Variants in USP39 observed in about 807,000 individuals in gnomAD.
The protein encoded by USP39 is ubiquitin specific peptidase 39, also known as ubiquitin carboxyl-terminal hydrolase 39.
USP39 carries 38 observed loss-of-function variants against 66.4 expected under a neutral mutation model. The ratio of observed to expected loss-of-function variants is 0.57; its 90% CI spans 0.44 to 0.75. USP39 has a LOEUF of 0.75. Ranked by LOEUF, USP39 falls within the 30% of genes least tolerant of loss-of-function variation. The probability of loss-of-function intolerance (pLI) is 0.00; values close to 1 mark genes in which losing one functional copy is unlikely to be tolerated. For missense variants in USP39, 608 were observed against 714.4 expected (o/e 0.85, Z 1.70); for synonymous variants, 303 against 274.6 (o/e 1.10, Z -1.02).
chr2:85,631,100 C>T (rs1675292494), intron 6 of USP39, among the ~76,000 whole-genome samples, 154 bp downstream of exon 6: 1 of 152,028 alleles, frequency 6.6e-6, no homozygotes, highest in Non-Finnish European at 1.5e-5. Context: ...CTGCAACCTC[C>T]ACTTCCAGGG....
chr2:85,624,179 A>C (rs973472013), intron 4 of USP39, among the ~76,000 whole-genome samples: 4 of 152,170 alleles, frequency 2.6e-5, no homozygotes, highest in Admixed American at 1.3e-4. Context: ...CAGAGCATCC[A>C]GCCACAGATA....
Position 85,644,982 on chromosome 2 carries a change from G to T in USP39, c.1462G>T (p.Val488Leu). The T allele has an allele frequency of 6.2e-7, 1 of 1,614,130 alleles. No individual in the cohort carries two copies. Among genetic ancestry groups the T allele is most frequent in the Non-Finnish European group, 8.5e-7 (1 of 1,180,030 alleles). Reference sequence around the variant, plus strand: ...TCTGAGAGAATACTTGTCTGAAGAAGTACAAGCAGTACACAAGAATACCAC... The same window carrying T: ...TCTGAGAGAATACTTGTCTGAAGAATTACAAGCAGTACACAAGAATACCAC... ...VDLREYLSEE[V>L]QAVHKNTTYD... The change falls in exon 11 of 13, where the codon GTA (valine) becomes TTA (leucine). Residue 488 changes from valine (V) to leucine (L), a missense_variant. Transcript: ENST00000323701.
intron 1 of USP39, among the ~76,000 whole-genome samples, chr2:85,604,742 T>C: frequency 6.6e-6 from 1 of 152,260 alleles, no homozygotes; most frequent in East Asian, 1.9e-4. Context: ...GTAGGCACCT[T>C]ATCTGCCCAA....
chr2:85,645,848 C>G (rs371065578), intron 11 of USP39: 5 of 152,296 alleles, frequency 3.3e-5, no homozygotes, highest in African/African-American at 9.6e-5. Context: ...GATGCTCATG[C>G]TGGTCTCAAG....
chr2:85,612,430 AG>A, upstream of USP39: 1 of 1,440,492 alleles, frequency 6.9e-7, no homozygotes, highest in Non-Finnish European at 9.4e-7. Flanking sequence ...GCCACTTCTC[AG>A]TTTCCTCATT....
chr2:85,642,410 T>C (rs550119862), intron 10 of USP39, among the ~76,000 whole-genome samples: 2 of 152,220 alleles, frequency 1.3e-5, no homozygotes, highest in South Asian at 2.1e-4. Context: ...ACCTGTCTGT[T>C]CCTGGTAGGT....
chr2:85,618,561 CAAA>C (rs759260772), intron 1 of USP39, among the ~76,000 whole-genome samples: 2 of 57,208 alleles, frequency 3.5e-5, no homozygotes, highest in African/African-American at 6.4e-5. Flanking sequence ...GACTCCGTCT[CAAA>C]AAAAAAAAAA....
At chr2:85,614,902 C>T (rs1036233796), upstream of USP39, among the ~76,000 whole-genome samples, 1 of 152,152 alleles carries the variant, frequency 6.6e-6, no homozygotes. Context: ...TTTTCCTAAC[C>T]CTCACTCAAG....
chr2:85,617,233 C>T (rs1488380814), intron 1 of USP39, among the ~76,000 whole-genome samples: 1 of 151,776 alleles, frequency 6.6e-6, no homozygotes, highest in Non-Finnish European at 1.5e-5. Flanking sequence ...GGTTTACAGG[C>T]GTGAGCCACC....
intron 1 of USP39, among the ~76,000 whole-genome samples, chr2:85,605,331 A>G (rs1461949439): frequency 6.6e-6 from 1 of 152,164 alleles, no homozygotes; most frequent in South Asian, 2.1e-4. Context: ...ATTTTCAAAT[A>G]ATTTGTACAC....
chr2:85,610,448 A>G (rs1673435045), upstream of USP39: 1 of 152,242 alleles, frequency 6.6e-6, no homozygotes, highest in African/African-American at 2.4e-5. Flanking sequence ...GGAAAGCAGA[A>G]GGGTGGATAG....
chr2:85,640,069 A>G (rs1488963550), intron 9 of USP39, among the ~76,000 whole-genome samples: 1 of 151,788 alleles, frequency 6.6e-6, no homozygotes, highest in East Asian at 1.9e-4. Flanking sequence ...GAGAGTGCTC[A>G]CTTTGTTGCC....
Position 85,630,594 on chromosome 2 carries a change from T to C in USP39, c.724-127T>C. On this transcript the variant is annotated intron_variant, in intron 5 of 12. Coordinates refer to ENST00000323701, the MANE Select transcript of USP39 (RefSeq NM_006590.4). Reference sequence around the variant, plus strand: ...GGGTAGGATTCTCCAAGGGTCCATTTACTTTTGGCTCTTTAAGGCCATCAC... The same window carrying C: ...GGGTAGGATTCTCCAAGGGTCCATTCACTTTTGGCTCTTTAAGGCCATCAC... The C allele has an allele frequency of 3.8e-6, 3 of 799,806 alleles. No individual in the cohort carries two copies. The South Asian group carries it at 5.3e-5, about 14-fold the overall frequency. The allele number at this position is 799,806 out of a possible 1,614,324, so 49.5% of individuals were successfully genotyped here. A position where few individuals can be genotyped will look rare whatever the true frequency, so the allele number is the denominator to read the frequency against.
chr2:85,622,398 C>T (rs913079069), intron 3 of USP39, among the ~76,000 whole-genome samples: 1 of 151,926 alleles, frequency 6.6e-6, no homozygotes, highest in Admixed American at 6.6e-5. Flanking sequence ...GCTGGGATTA[C>T]AGGCATGAGC....
At chr2:85,623,533 G>T in intron 3 of USP39, 113 bp from the exon 4 acceptor site, 2 of 1,392,044 alleles carry the variant, frequency 1.4e-6, no homozygotes, top group South Asian at 3.2e-5. Flanking sequence ...CATAATATTT[G>T]TTTTTTGCGG....
rs1414191433 is a variant in USP39, at chr2:85,618,234, G to A, written c.269-986G>A. 4.6e-5 allele frequency among the ~76,000 whole-genome samples: 7 copies of A among 151,820 alleles called. No individual in the cohort carries two copies. The East Asian group carries it at 8.0e-4, about 17-fold the overall frequency. ...GCCTCCCAGAGTGCTGGGATTACAG[G>A]CATGAGCCACTCACCCAGCCACTCT... is the stretch of plus-strand genomic sequence containing the variant. On this transcript the variant is annotated intron_variant, in intron 1 of 12. Coordinates refer to ENST00000323701, the MANE Select transcript of USP39 (RefSeq NM_006590.4).
upstream of USP39, chr2:85,612,007 G>T (rs1363181211): frequency 6.8e-7 from 1 of 1,476,614 alleles, no homozygotes; most frequent in Admixed American, 2.5e-5. Flanking sequence ...ACGCAGAGTC[G>T]CCGCCGCCTC....
chr2:85,623,592 T>A lies in USP39; in HGVS notation c.434-54T>A, dbSNP rs566343195. On this transcript the variant is annotated intron_variant, in intron 3 of 12. Transcript: ENST00000323701. ...ATAATGAAAGGAAAAGCAAACCTGATCTGTGTGTTCTAGTATCTGCCCTTC... is the reference window on the plus strand; with the variant it reads ...ATAATGAAAGGAAAAGCAAACCTGAACTGTGTGTTCTAGTATCTGCCCTTC... 8.6e-4 allele frequency: 1,326 copies of A among 1,536,100 alleles called. 9 individuals carry two copies. The Middle Eastern group carries it at 0.015, about 18-fold the overall frequency.
At chr2:85,646,714 C>T (rs893529037) in intron 11 of USP39, among the ~76,000 whole-genome samples, 5 of 152,118 alleles carry the variant, frequency 3.3e-5, no homozygotes, top group African/African-American at 7.2e-5. Flanking sequence ...GACAGGTGGG[C>T]GGCCAGAGGT....
Sources: allele counts gnomAD v4.1 joint callset (sites outside exome capture counted in the v4.1 genomes callset), GRCh38; gene constraint gnomAD v4.1.1; transcripts MANE v1.5; gene names NCBI Gene and HGNC (gene_info 2026-07-23, HGNC 2026-07-21).